Variants in NBPF26 observed in about 807,000 individuals in gnomAD.
The protein encoded by NBPF26 is NBPF family member NBPF26.
Under a neutral mutation model 119.6 loss-of-function variants are expected in NBPF26, and 79 were observed. The ratio of observed to expected loss-of-function variants is 0.66; its 90% confidence interval spans 0.55 to 0.80. The LOEUF is 0.80. Ranked by LOEUF, NBPF26 falls within the 30% of genes least tolerant of loss-of-function variation. The probability of loss-of-function intolerance (pLI) is 0.00; values close to 1 mark genes in which losing one functional copy is unlikely to be tolerated. For synonymous variants in NBPF26, 299 were observed against 457.7 expected, an observed-to-expected ratio of 0.65 and a Z score of 4.43; for missense variants, 800 against 1,198.2, an observed-to-expected ratio of 0.67 and a Z score of 4.91.
chr1:120,765,364 G>A (rs1651179780), intron 2 of NBPF26, among the ~76,000 whole-genome samples: 2 of 60,426 alleles, frequency 3.3e-5, no homozygotes, highest in South Asian at 1.0e-3. Context: ...GTCATTTGTT[G>A]ATGTGTTTCT....
intron 4 of NBPF26, among the ~76,000 whole-genome samples, chr1:120,794,388 T>G (rs1651533858): frequency 8.8e-6 from 1 of 113,270 alleles, no homozygotes; most frequent in Non-Finnish European, 1.7e-5. Flanking sequence ...GCAGATGAAT[T>G]ACTAAGCAAC....
intron 9 of NBPF26, 76 bp downstream of exon 9, chr1:120,810,634 A>G: frequency 2.3e-6 from 3 of 1,317,766 alleles, no homozygotes; most frequent in Non-Finnish European, 2.1e-6. Context: ...GGCTGTATAT[A>G]CACATATTGT....
At chr1:120,819,077 G>T (rs1461858527) in intron 15 of NBPF26, among the ~76,000 whole-genome samples, 2 of 123,830 alleles carry the variant, frequency 1.6e-5, no homozygotes, top group Non-Finnish European at 3.3e-5. Context: ...TTGACAGTGG[G>T]GTGTTAAAGT....
chr1:120,783,702 G>T (rs1191556156), intron 2 of NBPF26, among the ~76,000 whole-genome samples: 1 of 117,170 alleles, frequency 8.5e-6, no homozygotes, highest in Admixed American at 8.2e-5. Context: ...AGTAACAAAT[G>T]CATTTGAGAG....
At position 120,743,896 on chromosome 1, in the gene NBPF26, G is replaced by C. The variant is rs1477866867; in HGVS notation, c.73+19646G>C. Reference sequence around the variant, plus strand: ...GAGTGGTTGTTTCAGAGAGTTTGCAGCAATTAGGCTTTATTGGTGCACTAA... The same window carrying C: ...GAGTGGTTGTTTCAGAGAGTTTGCACCAATTAGGCTTTATTGGTGCACTAA... On this transcript the variant is annotated intron_variant, in intron 1 of 29. Coordinates refer to ENST00000620612, the Ensembl canonical transcript of NBPF26. Among the ~76,000 whole-genome samples, 9 of 113,066 alleles carry C rather than the reference G, an allele frequency of 8.0e-5. 3 individuals are homozygous for C. In the South Asian group the frequency reaches 2.4e-3, roughly 30 times the overall value. The allele number at this position is 113,066 out of a possible 152,430, so 74.2% of individuals were successfully genotyped here.
exon 14 of NBPF26, chr1:120,816,793 T>C (rs1652016975): frequency 7.0e-7 from 1 of 1,432,172 alleles, no homozygotes; most frequent in Admixed American, 2.0e-5. Context: ...CATCCTCTCA[T>C]GTTGAATGGG....
chr1:120,792,814 C>G (rs1206792106), intron 3 of NBPF26, among the ~76,000 whole-genome samples: 1 of 94,602 alleles, frequency 1.1e-5, no homozygotes, highest in Non-Finnish European at 1.9e-5. Context: ...AGTTGATATT[C>G]AAACAGGAGC....
chr1:120,838,492 C>CTG (rs1652447279), intron 27 of NBPF26, among the ~76,000 whole-genome samples: 1 of 75,418 alleles, frequency 1.3e-5, no homozygotes, highest in South Asian at 5.9e-4. Context: ...TGAGCTCGTT[C>CTG]TCTCTCTCTC....
intron 5 of NBPF26, among the ~76,000 whole-genome samples, chr1:120,806,316 C>A (rs1651681762): frequency 8.7e-6 from 1 of 115,164 alleles, no homozygotes; most frequent in Non-Finnish European, 1.7e-5. Flanking sequence ...GAGTAGGGGC[C>A]GTGCAACGTG....
At position 120,823,517 on chromosome 1, in the gene NBPF26, CTTTAG is replaced by C. The variant is rs1652173478; in HGVS notation, c.2639+158_2639+162del. 2.9e-5 allele frequency among the ~76,000 whole-genome samples: 3 copies of C among 103,628 alleles called. 1 individual carries two copies. Among genetic ancestry groups the C allele is most frequent in the Non-Finnish European group, 3.7e-5 (2 of 54,088 alleles). 68.0% of individuals were successfully genotyped at this position (103,628 alleles called of 152,430 possible). A position where few individuals can be genotyped will look rare whatever the true frequency, so the allele number is the denominator to read the frequency against. On this transcript the variant is annotated intron_variant, in intron 17 of 29. Transcript: ENST00000620612. ...CTTTTTGGTTCTCATTAGAGTAAAT[CTTTAG>C]GTTTCCATTTCTTCCTACCCTTATC...
chr1:120,785,010 T>C lies in NBPF26; in HGVS notation c.192T>C (p.His64=), dbSNP rs1651405208. ...GCTTCTTGGGGGAATATTGTCAACA[T>C]CGAGACCCCTGTGAGAAGAACCGCT... The change falls in exon 3 of 30, where the codon CAT becomes CAC. Residue 64 remains histidine, a synonymous_variant. Coordinates refer to ENST00000620612, the Ensembl canonical transcript of NBPF26. 1.7e-5 allele frequency: 24 copies of C among 1,422,466 alleles called. 5 individuals carry two copies. The highest frequency in any genetic ancestry group is 2.3e-5 in the East Asian group (1 of 42,686). 88.1% of individuals were successfully genotyped at this position (1,422,466 alleles called of 1,614,324 possible). A position where few individuals can be genotyped will look rare whatever the true frequency, so the allele number is the denominator to read the frequency against.
chr1:120,805,288 T>C lies in NBPF26; in HGVS notation c.752-268T>C. On this transcript the variant is annotated intron_variant, in intron 4 of 29. Coordinates refer to ENST00000620612, the Ensembl canonical transcript of NBPF26. ...CACCCCCACCTTCTAATTCTGTTAT[T>C]GCAACTGCAGACGGTTACCTGGCAC... 5.7e-6 allele frequency: 6 copies of C among 1,050,268 alleles called. 1 individual carries two copies. The highest frequency in any genetic ancestry group is 8.0e-6 in the Non-Finnish European group (6 of 752,586). 65.1% of individuals were successfully genotyped at this position (1,050,268 alleles called of 1,614,324 possible). A position where few individuals can be genotyped will look rare whatever the true frequency, so the allele number is the denominator to read the frequency against.
At chr1:120,729,733 G>T (rs1650856015) in intron 1 of NBPF26, among the ~76,000 whole-genome samples, 1 of 117,054 alleles carries the variant, frequency 8.5e-6, no homozygotes, top group Non-Finnish European at 1.6e-5. Context: ...GATAAGAATA[G>T]CTCAGGTGTT....
intron 2 of NBPF26, among the ~76,000 whole-genome samples, chr1:120,778,101 G>A (rs1287906814): frequency 1.2e-5 from 1 of 86,492 alleles, no homozygotes; most frequent in East Asian, 2.8e-4. Context: ...GACAGAGTAG[G>A]GGGGCAGGAA....
intron 4 of NBPF26, among the ~76,000 whole-genome samples, chr1:120,804,339 C>A (rs1166536342): frequency 9.4e-6 from 1 of 105,968 alleles, no homozygotes; most frequent in South Asian, 2.7e-4. Context: ...CACAGCAACA[C>A]TGAGGATCGC....
At chr1:120,756,298 A>G (rs1351661434) in intron 1 of NBPF26, among the ~76,000 whole-genome samples, 1 of 115,586 alleles carries the variant, frequency 8.7e-6, no homozygotes, top group African/African-American at 5.0e-5. Flanking sequence ...GCAGCCAACC[A>G]CAGCCAAGAT....
At chr1:120,819,119 C>A (rs1652076573) in intron 15 of NBPF26, among the ~76,000 whole-genome samples, 1 of 124,988 alleles carries the variant, frequency 8.0e-6, no homozygotes, top group South Asian at 2.4e-4. Context: ...GTCTAAATCT[C>A]TTTGTAGGTC....
intron 18 of NBPF26, 126 bp downstream of exon 19, chr1:120,825,043 CT>C: frequency 1.9e-6 from 1 of 535,626 alleles, no homozygotes. Context: ...ACTGACATTG[CT>C]GTTGGTTTTC....
intron 4 of NBPF26, among the ~76,000 whole-genome samples, chr1:120,801,892 G>T (rs1480785571): frequency 9.5e-6 from 1 of 105,060 alleles, no homozygotes; most frequent in East Asian, 2.2e-4. Flanking sequence ...ATATGATGCT[G>T]GTAGCATGTT....
Sources: allele counts gnomAD v4.1 joint callset (sites outside exome capture counted in the v4.1 genomes callset), GRCh38; gene constraint gnomAD v4.1.1; transcripts MANE v1.5; gene names NCBI Gene and HGNC (gene_info 2026-07-23, HGNC 2026-07-21).